THAP6: variants seen among roughly 807,000 people sequenced by gnomAD.
THAP6 encodes the protein THAP domain-containing protein 6.
THAP6 carries 13 observed loss-of-function variants against 20.0 expected under a neutral mutation model. That is an observed-to-expected ratio of 0.65 (90% confidence interval 0.42 to 1.03). The LOEUF (loss-of-function observed/expected upper bound fraction) is 1.03. Ranked by LOEUF, THAP6 falls within the 50% of genes least tolerant of loss-of-function variation. The pLI is 0.00. For missense variants in THAP6, 262 were observed against 261.6 expected (o/e 1.00, Z -0.01); for synonymous variants, 93 against 92.2 (o/e 1.01, Z -0.05).
chr4:75,540,998 G>A (rs1407653664), intron 2 of THAP6, among the ~76,000 whole-genome samples: 2 of 152,136 alleles, frequency 1.3e-5, no homozygotes, highest in Non-Finnish European at 2.9e-5. Flanking sequence ...AAAATCACAT[G>A]GGAAAATGGT....
chr4:75,529,979 G>GA lies in THAP6; in HGVS notation c.*2769dup, dbSNP rs76080489. The GA allele has an allele frequency of 0.046, 41,122 of 892,950 alleles. 1,726 individuals carry two copies. The highest frequency in any genetic ancestry group is 0.18 in the African/African-American group (9,830 of 55,330). 55.3% of individuals were successfully genotyped at this position (892,950 alleles called of 1,614,324 possible). A position where few individuals can be genotyped will look rare whatever the true frequency, so the allele number is the denominator to read the frequency against. On this transcript the variant is annotated 3_prime_UTR_variant, in exon 5 of 5. Transcript: ENST00000311638. ...TTATTACAGAAATAATTGAGAGAGAGAAAATCTATTATAATTTATTTGAAA... is the reference window on the plus strand; with the variant it reads ...TTATTACAGAAATAATTGAGAGAGAGAAAAATCTATTATAATTTATTTGAAA...
At chr4:75,522,023 A>G (rs1168398491) in intron 4 of THAP6, 162 bp downstream of exon 4, 2 of 759,750 alleles carry the variant, frequency 2.6e-6, no homozygotes, top group South Asian at 2.9e-5. Context: ...TATATATGCA[A>G]CAGCAAAATA....
intron 2 of THAP6, among the ~76,000 whole-genome samples, chr4:75,538,291 G>A (rs181715350): frequency 6.6e-5 from 10 of 151,982 alleles, no homozygotes; most frequent in Admixed American, 3.9e-4. Flanking sequence ...AGGAAATTAC[G>A]TACATGACCC....
At chr4:75,525,570 C>G (rs905702261) in intron 4 of THAP6, among the ~76,000 whole-genome samples, 1 of 152,142 alleles carries the variant, frequency 6.6e-6, no homozygotes, top group Admixed American at 6.6e-5. Context: ...ACATTTGTGT[C>G]AGTTCCGGCT....
chr4:75,539,825 TTTTC>T, intron 2 of THAP6: 1 of 1,535,882 alleles, frequency 6.5e-7, no homozygotes, highest in Non-Finnish European at 8.7e-7. Flanking sequence ...CACATACTGT[TTTTC>T]TTTCTTCTTT....
chr4:75,524,574 T>G (rs190142784), intron 4 of THAP6, among the ~76,000 whole-genome samples: 64 of 152,342 alleles, frequency 4.2e-4, no homozygotes, highest in African/African-American at 1.5e-3. Context: ...AATCAAATTC[T>G]AGGTTAACAG....
rs2148825294 is a variant in THAP6 at position 75,529,824 on chromosome 4, T to C, written c.*2610T>C. ...AAGCGCTTGATACGTGGAATTTTTC[T>C]CTATATCAAGTTTAAATTTCTGGAA... On this transcript the variant is annotated 3_prime_UTR_variant, in exon 5 of 5. Transcript: ENST00000311638. 1 of 985,402 alleles carries C rather than the reference T, an allele frequency of 1.0e-6. No individual in the cohort carries two copies. Among genetic ancestry groups the C allele is most frequent in the East Asian group, 1.1e-4 (1 of 8,818 alleles). 61.0% of individuals were successfully genotyped at this position (985,402 alleles called of 1,614,324 possible). A position where few individuals can be genotyped will look rare whatever the true frequency, so the allele number is the denominator to read the frequency against.
In THAP6 at chr4:75,527,362, T is replaced by C; in HGVS notation, c.*148T>C. The C allele has an allele frequency of 6.9e-7, 1 of 1,439,548 alleles. No homozygotes were observed. The highest frequency in any genetic ancestry group is 9.1e-7 in the Non-Finnish European group (1 of 1,098,550). 89.2% of individuals were successfully genotyped at this position (1,439,548 alleles called of 1,614,324 possible). A position where few individuals can be genotyped will look rare whatever the true frequency, so the allele number is the denominator to read the frequency against. ...TGCATTATAGTTGTTATCCAAAGAC[T>C]TTTTTGAAAATATGCAGAAATTTGT... On this transcript the variant is annotated 3_prime_UTR_variant, in exon 5 of 5. Coordinates refer to ENST00000311638, the MANE Select transcript of THAP6 (RefSeq NM_144721.6).
intron 3 of THAP6, chr4:75,517,525 G>C (rs2148805179): frequency 6.6e-6 from 1 of 152,400 alleles, no homozygotes; most frequent in African/African-American, 2.4e-5. Flanking sequence ...GCTGACTTTA[G>C]GAATTAGCAT....
upstream of THAP6, chr4:75,514,387 G>T (rs1725340963): frequency 2.9e-6 from 4 of 1,356,434 alleles, no homozygotes; most frequent in Non-Finnish European, 4.0e-6. Context: ...AGCCCCAGCG[G>T]CCACTAGCGA....
chr4:75,546,135 C>A (rs545730907), intron 3 of THAP6, among the ~76,000 whole-genome samples: 28 of 152,300 alleles, frequency 1.8e-4, no homozygotes, highest in African/African-American at 6.7e-4. Flanking sequence ...TATCCAAACC[C>A]AGTGTCTTCA....
intron 3 of THAP6, among the ~76,000 whole-genome samples, chr4:75,543,886 C>T (rs757575927): frequency 5.7e-4 from 87 of 152,266 alleles, no homozygotes; most frequent in Non-Finnish European, 8.7e-4. Context: ...GTATTCTATC[C>T]TTGTTATGGC....
intron 1 of THAP6, 104 bp from the exon 2 acceptor site, chr4:75,515,329 T>C (rs1725495296): frequency 9.5e-7 from 1 of 1,057,330 alleles, no homozygotes; most frequent in Non-Finnish European, 1.4e-6. Context: ...TATTTGTCTT[T>C]AGCTTTCTAT....
chr4:75,534,270 C>T (rs2148828134), downstream of THAP6, among the ~76,000 whole-genome samples: 1 of 152,228 alleles, frequency 6.6e-6, no homozygotes, highest in East Asian at 1.9e-4. Flanking sequence ...CATCTACAAC[C>T]ATCTGACCTT....
downstream of THAP6, among the ~76,000 whole-genome samples, chr4:75,534,562 T>C (rs1477136199): frequency 1.3e-5 from 2 of 152,072 alleles, no homozygotes; most frequent in East Asian, 1.9e-4. Context: ...ATTGACAAAT[T>C]GGATCTAATG....
At chr4:75,539,722 G>A (rs1196246236) in intron 2 of THAP6, 1 of 1,328,624 alleles carries the variant, frequency 7.5e-7, no homozygotes, top group Non-Finnish European at 1.0e-6. Context: ...GAACTTCTCT[G>A]AGCACTTACA....
At chr4:75,533,168 C>T (rs10022673), downstream of THAP6, among the ~76,000 whole-genome samples, 61,938 of 151,964 alleles carry the variant, frequency 0.41, 12,841 homozygotes, top group East Asian at 0.48. Flanking sequence ...AATGCTTTGC[C>T]GCTTAGAAAT....
intron 2 of THAP6, among the ~76,000 whole-genome samples, chr4:75,540,568 T>C (rs1473905579): frequency 6.6e-6 from 1 of 152,184 alleles, no homozygotes; most frequent in Non-Finnish European, 1.5e-5. Context: ...AAAGGTAATA[T>C]CGCATCTGAA....
intron 3 of THAP6, among the ~76,000 whole-genome samples, chr4:75,543,784 T>C (rs1727065349): frequency 6.6e-6 from 1 of 152,158 alleles, no homozygotes; most frequent in African/African-American, 2.4e-5. Flanking sequence ...GCTGGCTCTG[T>C]AGTGGTAGAG....
Sources: gnomAD v4.1 joint callset for allele counts (sites outside exome capture counted in the v4.1 genomes callset) on GRCh38, gnomAD v4.1.1 for gene constraint, MANE v1.5 for transcripts, NCBI Gene and HGNC (gene_info 2026-07-23, HGNC 2026-07-21) for gene names.